The following DYNC1I1 variants were observed in gnomAD, a reference collection of about 807,000 sequenced individuals.
The protein encoded by DYNC1I1 is dynein cytoplasmic 1 intermediate chain 1.
Under a neutral mutation model 86.6 loss-of-function variants are expected in DYNC1I1, and 43 were observed. The observed-to-expected ratio is 0.50, with a 90% CI of 0.39 to 0.64. DYNC1I1 has a LOEUF of 0.64. DYNC1I1 is among the 30% of genes least tolerant of loss of function. DYNC1I1 has a pLI of 0.00. For missense variants in DYNC1I1, 604 were observed against 788.8 expected, an observed-to-expected ratio of 0.77 and a Z score of 2.81; for synonymous variants, 262 against 283.7, an observed-to-expected ratio of 0.92 and a Z score of 0.77.
chr7:96,024,739 C>CA (rs759481222), intron 10 of DYNC1I1, among the ~76,000 whole-genome samples: 9 of 151,890 alleles, frequency 5.9e-5, no homozygotes, highest in Admixed American at 2.6e-4. Context: ...AAATGAAGGA[C>CA]AAAAAAACCC....
rs17775926 is a variant in DYNC1I1 at position 95,962,642 on chromosome 7, C to T, written c.491-14870C>T. Among the ~76,000 whole-genome samples, 188 of 152,238 alleles carry T rather than the reference C, an allele frequency of 1.2e-3. 6 individuals are homozygous for T. The East Asian group carries it at 0.031, about 25-fold the overall frequency. On this transcript the variant is annotated intron_variant, in intron 6 of 16. Coordinates refer to ENST00000447467, the MANE Select transcript of DYNC1I1 (RefSeq NM_001135556.2). ...TCCATTATCTCATTGTTTCACACAACAATTCTGTTATGTAAGGAGCACAGA... is the reference window on the plus strand; with the variant it reads ...TCCATTATCTCATTGTTTCACACAATAATTCTGTTATGTAAGGAGCACAGA...
intron 6 of DYNC1I1, among the ~76,000 whole-genome samples, chr7:95,942,512 A>T (rs2116451006): frequency 6.6e-6 from 1 of 152,346 alleles, no homozygotes; most frequent in East Asian, 1.9e-4. Context: ...ATCCTCCCTA[A>T]CTCATTTTAT....
intron 6 of DYNC1I1, among the ~76,000 whole-genome samples, chr7:95,943,395 C>T (rs1490440094): frequency 2.0e-5 from 3 of 151,830 alleles, no homozygotes; most frequent in African/African-American, 4.8e-5. Flanking sequence ...AATGGAAGAA[C>T]ATTCCATGCT....
chr7:95,981,709 G>A (rs1410768420), intron 7 of DYNC1I1, among the ~76,000 whole-genome samples: 1 of 151,970 alleles, frequency 6.6e-6, no homozygotes, highest in Non-Finnish European at 1.5e-5. Context: ...TCCATGTTTT[G>A]TGTTGTGAAA....
At chr7:95,805,329 A>G (rs943351059) in intron 2 of DYNC1I1, among the ~76,000 whole-genome samples, 1 of 152,156 alleles carries the variant, frequency 6.6e-6, no homozygotes, top group African/African-American at 2.4e-5. Context: ...AACTATGCCA[A>G]TGGATTTCTA....
chr7:95,869,250 A>G (rs1332182802), intron 5 of DYNC1I1, among the ~76,000 whole-genome samples: 1 of 152,168 alleles, frequency 6.6e-6, no homozygotes, highest in Non-Finnish European at 1.5e-5. Context: ...GGTTTCTTAC[A>G]TGGTCATGGT....
chr7:95,896,277 G>A (rs1232243956), intron 6 of DYNC1I1, among the ~76,000 whole-genome samples: 1 of 152,156 alleles, frequency 6.6e-6, no homozygotes, highest in African/African-American at 2.4e-5. Flanking sequence ...CTTAAAGGAA[G>A]GTGGTCTTCT....
intron 15 of DYNC1I1, among the ~76,000 whole-genome samples, chr7:96,077,191 G>C (rs1403775513): frequency 6.6e-6 from 1 of 151,488 alleles, no homozygotes; most frequent in Non-Finnish European, 1.5e-5. Flanking sequence ...TTTTTAATTA[G>C]GAAGCCCACA....
chr7:96,071,187 G>C (rs1790148075), intron 14 of DYNC1I1, among the ~76,000 whole-genome samples: 1 of 152,038 alleles, frequency 6.6e-6, no homozygotes, highest in South Asian at 2.1e-4. Flanking sequence ...ATGAAATATA[G>C]AGTAAGAAAA....
At chr7:95,963,231 T>C (rs914639597) in intron 6 of DYNC1I1, among the ~76,000 whole-genome samples, 2 of 152,126 alleles carry the variant, frequency 1.3e-5, no homozygotes, top group Admixed American at 6.6e-5. Flanking sequence ...TCTCCACCAC[T>C]TGTTAACCTC....
In DYNC1I1 at chr7:96,064,210, A is replaced by ATCTCTCTC. The variant is rs10557179; in HGVS notation, c.1510-11816_1510-11809dup. 2.1e-3 allele frequency among the ~76,000 whole-genome samples: 293 copies of ATCTCTCTC among 141,010 alleles called. 1 individual carries two copies. The highest frequency in any genetic ancestry group is 3.2e-3 in the African/African-American group (123 of 37,994). 92.5% of individuals were successfully genotyped at this position (141,010 alleles called of 152,430 possible). A position where few individuals can be genotyped will look rare whatever the true frequency, so the allele number is the denominator to read the frequency against. ...ATATTTCATGGAAAGAAATATTCAT[A>ATCTCTCTC]TCTCTCTCTCTCTCTCTCTCTCTCT... On this transcript the variant is annotated intron_variant, in intron 14 of 16. Coordinates refer to ENST00000447467, the MANE Select transcript of DYNC1I1 (RefSeq NM_001135556.2).
intron 5 of DYNC1I1, among the ~76,000 whole-genome samples, chr7:95,854,668 G>C (rs1472510010): frequency 3.3e-5 from 5 of 151,916 alleles, no homozygotes; most frequent in African/African-American, 1.2e-4. Context: ...TGTGTTACTC[G>C]TGTTAAAATA....
Position 96,035,719 on chromosome 7 carries a change from A to G in DYNC1I1, c.1331A>G (p.Glu444Gly), listed in dbSNP as rs771744628. ...DVNNFVVGSE[E>G]GTVYTACRHG... is the part of the protein sequence containing the mutation. ...AATAACTTCGTGGTTGGCAGTGAGG[A>G]AGGTACAGTCTACACGGCTTGTCGT... Residue 444 changes from glutamate to glycine, a missense_variant, in exon 13 of 17, where the codon GAA (glutamate) becomes GGA (glycine). Transcript: ENST00000447467. 34 of 1,611,612 alleles carry G rather than the reference A, an allele frequency of 2.1e-5. No homozygotes were observed. Among genetic ancestry groups the G allele is most frequent in the Non-Finnish European group, 2.9e-5 (34 of 1,178,964 alleles).
intron 6 of DYNC1I1, among the ~76,000 whole-genome samples, chr7:95,935,774 C>A (rs1274400377): frequency 2.0e-5 from 3 of 151,680 alleles, no homozygotes; most frequent in Admixed American, 2.0e-4. Context: ...AAACTAATAC[C>A]CTGATTAAGA....
At chr7:95,808,982 TA>T (rs919910868) in intron 2 of DYNC1I1, among the ~76,000 whole-genome samples, 76 of 152,260 alleles carry the variant, frequency 5.0e-4, no homozygotes, top group African/African-American at 1.7e-3. Context: ...GTTTAAATGT[TA>T]AAATTGGAAA....
rs116494636 is a variant in DYNC1I1, at chr7:96,012,337, T to A, written c.970-15838T>A. 5.1e-3 allele frequency among the ~76,000 whole-genome samples: 772 copies of A among 152,316 alleles called. 7 individuals carry two copies. The highest frequency in any genetic ancestry group is 0.018 in the African/African-American group (733 of 41,570). ...TGCTCTGTGCGTCTCTGCTTCTGTC[T>A]GAAGATTACCATCCTTTCTTTTTTG... On this transcript the variant is annotated intron_variant, in intron 10 of 16. Coordinates refer to ENST00000447467, the MANE Select transcript of DYNC1I1 (RefSeq NM_001135556.2).
At chr7:96,085,061 G>A (rs1454747551) in intron 16 of DYNC1I1, among the ~76,000 whole-genome samples, 1 of 152,066 alleles carries the variant, frequency 6.6e-6, no homozygotes, top group Non-Finnish European at 1.5e-5. Flanking sequence ...GTGAGCCCTG[G>A]CACTCCCTGA....
chr7:96,023,400 C>T (rs187169839), intron 10 of DYNC1I1, among the ~76,000 whole-genome samples: 31 of 152,254 alleles, frequency 2.0e-4, no homozygotes, highest in African/African-American at 7.5e-4. Flanking sequence ...AAATGGGAGC[C>T]TAGAGGGTAG....
intron 7 of DYNC1I1, among the ~76,000 whole-genome samples, chr7:95,979,160 GTGTT>G (rs1378203992): frequency 2.6e-5 from 4 of 152,130 alleles, no homozygotes; most frequent in Non-Finnish European, 5.9e-5. Flanking sequence ...CTGAGTGTAG[GTGTT>G]TAATTTAGTT....
Sources: allele counts gnomAD v4.1 joint callset (sites outside exome capture counted in the v4.1 genomes callset), GRCh38; gene constraint gnomAD v4.1.1; transcripts MANE v1.5; gene names NCBI Gene and HGNC (gene_info 2026-07-23, HGNC 2026-07-21).